ABLIM1: variants seen among roughly 807,000 people sequenced by gnomAD.
ABLIM1 encodes the protein actin-binding LIM protein 1.
A neutral mutation model predicts 107.0 loss-of-function variants in ABLIM1; 40 were observed. The ratio of observed to expected loss-of-function variants is 0.37; its 90% confidence interval spans 0.29 to 0.49. The LOEUF (loss-of-function observed/expected upper bound fraction) is 0.49. Among genes scored for constraint, ABLIM1 ranks in the 20% least tolerant of loss-of-function variants. The probability of loss-of-function intolerance (pLI) is 0.97; values close to 1 mark genes in which losing one functional copy is unlikely to be tolerated. For synonymous variants in ABLIM1, 357 were observed against 357.3 expected (o/e 1.00, Z 0.01); for missense variants, 857 against 1,008.5 (o/e 0.85, Z 2.04).
chr10:114,785,273 C>T, the ABLIM1 span, among the ~76,000 whole-genome samples: 1 of 152,218 alleles, frequency 6.6e-6, no homozygotes, highest in East Asian at 1.9e-4. Context: ...TGGGAAGGCA[C>T]TGTGTCCTGT....
intron 4 of ABLIM1, among the ~76,000 whole-genome samples, chr10:114,560,215 T>C (rs2069481180): frequency 6.6e-6 from 1 of 152,240 alleles, no homozygotes; most frequent in South Asian, 2.1e-4. Flanking sequence ...TGCAGAGCTA[T>C]TCATAATAGC....
chr10:114,622,749 C>T (rs4752043), intron 1 of ABLIM1, among the ~76,000 whole-genome samples: 59,306 of 151,914 alleles, frequency 0.39, 12,779 homozygotes, highest in Non-Finnish European at 0.5. Context: ...CAAGACCAAA[C>T]CCTCCTCTTC....
At chr10:114,662,326 C>A (rs562232009), upstream of ABLIM1, among the ~76,000 whole-genome samples, 2 of 152,288 alleles carry the variant, frequency 1.3e-5, no homozygotes, top group African/African-American at 4.8e-5. Context: ...TCAGGATGAT[C>A]TTTGCTGCTA....
chr10:114,640,260 C>T (rs1308773678), intron 1 of ABLIM1, among the ~76,000 whole-genome samples: 2 of 152,234 alleles, frequency 1.3e-5, no homozygotes, highest in African/African-American at 4.8e-5. Flanking sequence ...GGCACGGTGG[C>T]TCACGCCTAT....
intron 1 of ABLIM1, among the ~76,000 whole-genome samples, chr10:114,683,009 C>T (rs184851236): frequency 1.5e-3 from 232 of 152,288 alleles, no homozygotes; most frequent in Middle Eastern, 3.4e-3. Context: ...ATCACTAGGA[C>T]CCCATTCAGT....
intron 6 of ABLIM1, among the ~76,000 whole-genome samples, chr10:114,528,573 C>G (rs1369353370): frequency 1.3e-5 from 2 of 152,182 alleles, no homozygotes. Context: ...CCTCACCACA[C>G]CCTTATAGGG....
At position 114,465,786 on chromosome 10, in the gene ABLIM1, C is replaced by G; in HGVS notation, c.1353G>C (p.Thr451=). Residue 451 remains threonine (T), a synonymous_variant, in exon 12 of 23, where the codon ACG becomes ACC. Coordinates refer to ENST00000533213, the MANE Select transcript of ABLIM1 (RefSeq NM_002313.7). The part of the protein sequence containing the change: ...DVRDRMIHRS[T]SQGSINSPVY... Reference sequence around the variant, plus strand: ...CAGGGGAGTTGATGGAGCCCTGGCTCGTGGACCGATGGATCATCCGATCCC... The same window carrying G: ...CAGGGGAGTTGATGGAGCCCTGGCTGGTGGACCGATGGATCATCCGATCCC... The G allele has an allele frequency of 6.2e-6, 10 of 1,614,086 alleles. No homozygotes were observed. The highest frequency in any genetic ancestry group is 7.6e-6 in the Non-Finnish European group (9 of 1,180,004).
At chr10:114,786,995 A>C in the ABLIM1 span, among the ~76,000 whole-genome samples, 3 of 132,588 alleles carry the variant, frequency 2.3e-5, no homozygotes, top group Admixed American at 7.9e-5. Context: ...CTGGCTGCCC[A>C]GTCTGGAAAG....
At chr10:114,605,436 C>A (rs536066603) in intron 1 of ABLIM1, among the ~76,000 whole-genome samples, 1 of 152,150 alleles carries the variant, frequency 6.6e-6, no homozygotes, top group Non-Finnish European at 1.5e-5. Flanking sequence ...AAGGCCCAAG[C>A]GGTCCCTACT....
chr10:114,463,535 A>G (rs1018076930), intron 12 of ABLIM1, among the ~76,000 whole-genome samples: 1 of 152,060 alleles, frequency 6.6e-6, no homozygotes, highest in Non-Finnish European at 1.5e-5. Flanking sequence ...TGCTTATTAA[A>G]AAAAATGACA....
At chr10:114,495,854 A>C (rs552244020) in intron 6 of ABLIM1, among the ~76,000 whole-genome samples, 5 of 152,310 alleles carry the variant, frequency 3.3e-5, no homozygotes, top group Admixed American at 1.3e-4. Context: ...ACCAGGATGC[A>C]AACCCAGGCA....
chr10:114,610,100 C>T (rs757660861), intron 1 of ABLIM1, among the ~76,000 whole-genome samples: 2 of 152,152 alleles, frequency 1.3e-5, no homozygotes, highest in Non-Finnish European at 2.9e-5. Context: ...TGGTGAATGC[C>T]CACCTGCGTC....
intron 8 of ABLIM1, among the ~76,000 whole-genome samples, chr10:114,474,795 C>A (rs1009388642): frequency 6.6e-6 from 1 of 152,174 alleles, no homozygotes; most frequent in African/African-American, 2.4e-5. Context: ...ATAATCCCCA[C>A]GTGTCAAGGA....
At chr10:114,630,806 C>T (rs1438290236) in intron 1 of ABLIM1, among the ~76,000 whole-genome samples, 2 of 152,064 alleles carry the variant, frequency 1.3e-5, no homozygotes, top group Middle Eastern at 3.4e-3. Flanking sequence ...GAAAATGTGA[C>T]AATAAATCTA....
chr10:114,465,653 A>C (rs749822729), intron 12 of ABLIM1, 45 bp downstream of exon 12: 2 of 1,594,890 alleles, frequency 1.3e-6, no homozygotes, highest in Non-Finnish European at 1.7e-6. Context: ...AATCACAGAA[A>C]CATAGTTTGT....
Position 114,445,442 on chromosome 10 carries a change from A to T in ABLIM1, c.1736-39T>A, listed in dbSNP as rs368599273. On this transcript the variant is annotated intron_variant, in intron 15 of 22. Transcript: ENST00000533213. ...AAAGACAACTTCTCACATCAGCCCC[A>T]AGACAAGGGAATCTTAACGGGCTAG... 5.2e-6 allele frequency: 8 copies of T among 1,547,318 alleles called. No individual in the cohort carries two copies. The African/African-American group carries it at 1.1e-4, about 21-fold the overall frequency.
intron 6 of ABLIM1, among the ~76,000 whole-genome samples, chr10:114,537,799 T>C (rs1333383730): frequency 1.3e-5 from 2 of 152,196 alleles, no homozygotes; most frequent in Non-Finnish European, 2.9e-5. Context: ...AATTAATTAA[T>C]TGGATGAAAG....
the ABLIM1 span, among the ~76,000 whole-genome samples, chr10:114,787,386 C>G: frequency 1.3e-5 from 2 of 151,776 alleles, no homozygotes; most frequent in Admixed American, 1.3e-4. Flanking sequence ...CGGCAGCCAC[C>G]CCGTCCGGGA....
chr10:114,621,377 T>A (rs2077453754), intron 1 of ABLIM1, among the ~76,000 whole-genome samples: 1 of 152,218 alleles, frequency 6.6e-6, no homozygotes, highest in South Asian at 2.1e-4. Context: ...AGATGGCTTA[T>A]CTCATATTAG....
Sources: gnomAD v4.1 joint callset for allele counts (sites outside exome capture counted in the v4.1 genomes callset) on GRCh38, gnomAD v4.1.1 for gene constraint, MANE v1.5 for transcripts, NCBI Gene and HGNC (gene_info 2026-07-23, HGNC 2026-07-21) for gene names.